Variants in IL1RAPL2 observed in about 807,000 individuals in gnomAD.
IL1RAPL2 encodes the protein X-linked interleukin-1 receptor accessory protein-like 2.
In IL1RAPL2, 3 loss-of-function variants were observed where a neutral mutation model predicts 44.1. The ratio of observed to expected loss-of-function variants is 0.07; its 90% CI spans 0.03 to 0.18. The LOEUF (loss-of-function observed/expected upper bound fraction) is 0.18, where lower values mean the gene tolerates loss of function less well. IL1RAPL2 is among the 10% of genes least tolerant of loss of function. The pLI is 1.00. For synonymous variants in IL1RAPL2, 181 were observed against 178.8 expected, an observed-to-expected ratio of 1.01 and a Z score of -0.10; for missense variants, 391 against 496.4, an observed-to-expected ratio of 0.79 and a Z score of 2.02.
intron 2 of IL1RAPL2, among the ~76,000 whole-genome samples, chrX:105,149,652 C>T (rs5962265): frequency 0.022 from 2,446 of 109,651 alleles, 60 homozygotes; most frequent in African/African-American, 0.073. Context: ...GCCAACATGG[C>T]GAAACCCCAT....
intron 2 of IL1RAPL2, among the ~76,000 whole-genome samples, chrX:105,180,243 A>G (rs1363484472): frequency 9.0e-6 from 1 of 110,860 alleles, no homozygotes; most frequent in Non-Finnish European, 1.9e-5. Flanking sequence ...AGGCTGAGGC[A>G]GGAAAATCAC....
chrX:104,610,071 C>T lies in IL1RAPL2; in HGVS notation c.-20+43020C>T, dbSNP rs1243403459. Among the ~76,000 whole-genome samples the T allele has an allele frequency of 1.8e-5, 2 of 111,367 alleles. 1 individual carries two copies. Among genetic ancestry groups the T allele is most frequent in the Admixed American group, 1.9e-4 (2 of 10,414 alleles). ...CCTTTGTGTTGATGTTGATTTTATT[C>T]ATTTTTGTTTGTTAGTTTTCTTTCT... On this transcript the variant is annotated intron_variant, in intron 1 of 10. Transcript: ENST00000372582.
rs143471619 is a variant in IL1RAPL2 at position 104,987,677 on chromosome X, G to A, written c.83-207798G>A. On this transcript the variant is annotated intron_variant, in intron 2 of 10. Transcript: ENST00000372582. ...CTCCTGCCTCCCGACTGCCCAAGAAGGCTGCCCTCCTGCATTGTAGTTTCA... is the reference window on the plus strand; with the variant it reads ...CTCCTGCCTCCCGACTGCCCAAGAAAGCTGCCCTCCTGCATTGTAGTTTCA... 9.5e-3 allele frequency among the ~76,000 whole-genome samples: 1,054 copies of A among 110,689 alleles called. 14 individuals are homozygous for A. Among genetic ancestry groups the A allele is most frequent in the African/African-American group, 0.033 (994 of 30,282 alleles).
chrX:104,851,267 A>G (rs900812933), intron 2 of IL1RAPL2, among the ~76,000 whole-genome samples: 15 of 112,002 alleles, frequency 1.3e-4, no homozygotes, highest in South Asian at 3.7e-4. Flanking sequence ...AATATTCACA[A>G]AAATTTTTAG....
intron 2 of IL1RAPL2, among the ~76,000 whole-genome samples, chrX:104,788,324 A>G (rs1350444849): frequency 1.8e-5 from 2 of 111,777 alleles, no homozygotes; most frequent in Non-Finnish European, 3.8e-5. Context: ...TATGAATTTC[A>G]GAGAGACACT....
intron 2 of IL1RAPL2, among the ~76,000 whole-genome samples, chrX:104,952,579 GAGA>G (rs1340163686): frequency 1.8e-5 from 2 of 111,609 alleles, no homozygotes; most frequent in Non-Finnish European, 3.8e-5. Flanking sequence ...TTTCCCAGAA[GAGA>G]AGAACTTTTG....
chrX:105,297,652 G>GC (rs1301771021), intron 5 of IL1RAPL2, among the ~76,000 whole-genome samples: 1 of 110,959 alleles, frequency 9.0e-6, no homozygotes, highest in Non-Finnish European at 1.9e-5. Context: ...GGGGGAAACT[G>GC]CCCCAATGAC....
At chrX:105,153,499 C>A (rs1299105258) in intron 2 of IL1RAPL2, among the ~76,000 whole-genome samples, 1 of 111,689 alleles carries the variant, frequency 9.0e-6, no homozygotes. Flanking sequence ...AGATTTTAAT[C>A]AATTTAAATA....
intron 6 of IL1RAPL2, among the ~76,000 whole-genome samples, chrX:105,584,309 G>C (rs1044853564): frequency 3.9e-4 from 44 of 111,442 alleles, no homozygotes; most frequent in Middle Eastern, 4.7e-3. Context: ...GGTTAGACTT[G>C]TTATGTTCCC....
intron 6 of IL1RAPL2, among the ~76,000 whole-genome samples, chrX:105,605,884 C>T (rs1156627291): frequency 1.8e-5 from 2 of 111,548 alleles, no homozygotes; most frequent in Non-Finnish European, 3.8e-5. Flanking sequence ...GATGGAAAAA[C>T]TGTATATTCA....
chrX:104,753,995 TAAAG>T (rs993691468), intron 2 of IL1RAPL2, among the ~76,000 whole-genome samples: 3 of 111,660 alleles, frequency 2.7e-5, no homozygotes, highest in Admixed American at 1.9e-4. Flanking sequence ...GCTTAATAAA[TAAAG>T]AAATTGAGTT....
chrX:105,307,271 A>G (rs903041350), intron 5 of IL1RAPL2, among the ~76,000 whole-genome samples: 16 of 98,145 alleles, frequency 1.6e-4, no homozygotes, highest in Non-Finnish European at 3.0e-4. Context: ...TCCCAAAAAA[A>G]AAATTTTTTT....
rs1008670716 is a variant in IL1RAPL2 at position 105,610,880 on chromosome X, C to T, written c.773-106487C>T. Among the ~76,000 whole-genome samples, 4 of 5,165 alleles carry T rather than the reference C, an allele frequency of 7.7e-4. No individual in the cohort carries two copies. In the Admixed American group the frequency reaches 0.013, roughly 17 times the overall value. The allele number at this position is 5,165 out of a possible 115,157, so 4.5% of individuals were successfully genotyped here. A position where few individuals can be genotyped will look rare whatever the true frequency, so the allele number is the denominator to read the frequency against. On this transcript the variant is annotated intron_variant, in intron 6 of 10. Transcript: ENST00000372582. ...GCGTGTACTCCTAATACACAAAAAA[C>T]GGTTAATTGTAAAAACAGCCTCAGG... is the stretch of plus-strand genomic sequence containing the variant.
rs148964548 is a variant in IL1RAPL2, at chrX:105,376,825, T to G, written c.698-107488T>G. On this transcript the variant is annotated intron_variant, in intron 5 of 10. Transcript: ENST00000372582. ...AAGTGAAATTTGAAGTAATTTTGTCTTATTGAACAATCTGTATGTTGATTG... is the reference window on the plus strand; with the variant it reads ...AAGTGAAATTTGAAGTAATTTTGTCGTATTGAACAATCTGTATGTTGATTG... Among the ~76,000 whole-genome samples the G allele has an allele frequency of 3.3e-4, 37 of 112,197 alleles. No individual in the cohort carries two copies. In the East Asian group the frequency reaches 4.5e-3, roughly 14 times the overall value.
At chrX:105,166,014 A>G (rs1012095110) in intron 2 of IL1RAPL2, among the ~76,000 whole-genome samples, 1 of 111,664 alleles carries the variant, frequency 9.0e-6, no homozygotes, top group African/African-American at 3.3e-5. Flanking sequence ...ATTGGCTCTC[A>G]CACTTACCAG....
chrX:104,634,123 G>T (rs1929729116), intron 1 of IL1RAPL2, among the ~76,000 whole-genome samples: 1 of 111,419 alleles, frequency 9.0e-6, no homozygotes, highest in Non-Finnish European at 1.9e-5. Context: ...TTCAGGAGCA[G>T]GTTGTTCAGT....
chrX:104,789,247 G>A, intron 2 of IL1RAPL2, among the ~76,000 whole-genome samples: 1 of 111,939 alleles, frequency 8.9e-6, no homozygotes, highest in Non-Finnish European at 1.9e-5. Context: ...TACCATTGTA[G>A]TGAGCATAGT....
At chrX:104,988,534 T>C (rs1296882325) in intron 2 of IL1RAPL2, among the ~76,000 whole-genome samples, 1 of 112,146 alleles carries the variant, frequency 8.9e-6, no homozygotes, top group African/African-American at 3.2e-5. Context: ...TGCCAATATA[T>C]AGACTTTGCC....
intron 2 of IL1RAPL2, among the ~76,000 whole-genome samples, chrX:104,933,184 G>A (rs184020160): frequency 9.0e-6 from 1 of 111,150 alleles, no homozygotes; most frequent in African/African-American, 3.3e-5. Flanking sequence ...CGAGTTGATG[G>A]GTACAGCAAA....
Sources: gnomAD v4.1 joint callset for allele counts (sites outside exome capture counted in the v4.1 genomes callset) on GRCh38, gnomAD v4.1.1 for gene constraint, MANE v1.5 for transcripts, NCBI Gene and HGNC (gene_info 2026-07-23, HGNC 2026-07-21) for gene names.